The following KIF16B variants were observed in gnomAD, a reference collection of about 807,000 sequenced individuals.
KIF16B encodes the protein kinesin family member 16B.
KIF16B carries 98 observed loss-of-function variants against 156.3 expected under a neutral mutation model. The ratio of observed to expected loss-of-function variants is 0.63; its 90% CI spans 0.53 to 0.74. The LOEUF (loss-of-function observed/expected upper bound fraction) is 0.74, where lower values mean the gene tolerates loss of function less well. Among genes scored for constraint, KIF16B ranks in the 30% least tolerant of loss-of-function variants. KIF16B has a pLI of 0.00. For synonymous variants in KIF16B, 564 were observed against 583.7 expected (o/e 0.97, Z 0.49); for missense variants, 1,421 against 1,606.5 (o/e 0.88, Z 1.97).
intron 12 of KIF16B, among the ~76,000 whole-genome samples, chr20:16,443,987 C>A (rs2066868075): frequency 6.6e-6 from 1 of 152,190 alleles, no homozygotes; most frequent in Non-Finnish European, 1.5e-5. Context: ...ACACATGCAA[C>A]ACTTTCCAAT....
intron 23 of KIF16B, among the ~76,000 whole-genome samples, chr20:16,350,234 G>A (rs1253915632): frequency 6.6e-6 from 1 of 152,222 alleles, no homozygotes; most frequent in East Asian, 1.9e-4. Flanking sequence ...GGACAAAAGT[G>A]ATACTGGTCA....
rs1417371064 is a variant in KIF16B at position 16,404,827 on chromosome 20, C to T, written c.1770G>A (p.Met590Ile). The T allele has an allele frequency of 1.2e-6, 2 of 1,613,066 alleles. No homozygotes were observed. The highest frequency in any genetic ancestry group is 1.7e-6 in the Non-Finnish European group (2 of 1,179,268). The change falls in exon 17 of 26, where the codon ATG (methionine) becomes ATA (isoleucine). Residue 590 changes from methionine to isoleucine, a missense_variant. Transcript: ENST00000354981. The part of the protein sequence containing the change: ...SKSRENLSAV[M>I]LYNPGLEFER... Reference sequence around the variant, plus strand: ...TGTTCACTCACCCGGGGTTATACAACATGACTGCAGACAGGTTCTCACGGG... The same window carrying T: ...TGTTCACTCACCCGGGGTTATACAATATGACTGCAGACAGGTTCTCACGGG...
At chr20:16,303,976 T>A (rs1247388666) in intron 25 of KIF16B, among the ~76,000 whole-genome samples, 2 of 152,088 alleles carry the variant, frequency 1.3e-5, no homozygotes, top group African/African-American at 2.4e-5. Context: ...ATTTCCAGCT[T>A]AGAGTTTAAC....
chr20:16,559,412 C>T (rs561149219), intron 1 of KIF16B, among the ~76,000 whole-genome samples: 4 of 152,116 alleles, frequency 2.6e-5, no homozygotes, highest in South Asian at 2.1e-4. Flanking sequence ...GGCAAAGTTG[C>T]CCCTAATACC....
chr20:16,361,150 T>C (rs1045139041), intron 22 of KIF16B, among the ~76,000 whole-genome samples: 3 of 152,196 alleles, frequency 2.0e-5, no homozygotes, highest in Non-Finnish European at 4.4e-5. Context: ...GTTCCAACCA[T>C]AGCACATATT....
chr20:16,356,632 T>C (rs909537312), intron 22 of KIF16B, among the ~76,000 whole-genome samples, 180 bp from the exon 23 acceptor site: 3 of 152,202 alleles, frequency 2.0e-5, no homozygotes, highest in African/African-American at 7.2e-5. Context: ...GCCTCTCTCA[T>C]AACAAAAAGA....
rs1042991592 is a variant in KIF16B at position 16,283,355 on chromosome 20, C to T, written c.3796-9944G>A. Among the ~76,000 whole-genome samples, 5 of 152,288 alleles carry T rather than the reference C, an allele frequency of 3.3e-5. No individual in the cohort carries two copies. The East Asian group carries it at 9.7e-4, about 29-fold the overall frequency. On this transcript the variant is annotated intron_variant, in intron 25 of 25. Transcript: ENST00000354981. ...CAATCCTAGTGTGCCTCCCTCTTTG[C>T]ACAGAGCCTGGCAATCTCAACTGGG...
At chr20:16,503,916 C>T (rs2068697468) in intron 10 of KIF16B, among the ~76,000 whole-genome samples, 2 of 152,108 alleles carry the variant, frequency 1.3e-5, no homozygotes, top group Admixed American at 6.5e-5. Flanking sequence ...ATACATGTGT[C>T]GCGGGGCCAC....
At chr20:16,493,347 G>C (rs1038114492) in intron 12 of KIF16B, among the ~76,000 whole-genome samples, 1 of 152,190 alleles carries the variant, frequency 6.6e-6, no homozygotes, top group African/African-American at 2.4e-5. Context: ...ACAGTTGTCA[G>C]ATGCAGAACT....
At chr20:16,499,836 T>C (rs1239460432) in intron 10 of KIF16B, among the ~76,000 whole-genome samples, 1 of 152,210 alleles carries the variant, frequency 6.6e-6, no homozygotes, top group Non-Finnish European at 1.5e-5. Flanking sequence ...TAAATCCTTT[T>C]AAAAGAAATC....
chr20:16,426,890 A>T (rs1165068775), intron 15 of KIF16B, among the ~76,000 whole-genome samples: 2 of 152,176 alleles, frequency 1.3e-5, no homozygotes, highest in Non-Finnish European at 1.5e-5. Context: ...AGATAATTCT[A>T]TATATGTTCA....
chr20:16,370,373 C>T (rs769760372), intron 22 of KIF16B, among the ~76,000 whole-genome samples: 4 of 152,212 alleles, frequency 2.6e-5, no homozygotes, highest in Non-Finnish European at 5.9e-5. Flanking sequence ...AGCTCCACCA[C>T]AGCTACATGC....
In KIF16B at chr20:16,273,257, C is replaced by G; in HGVS notation, c.3950G>C (p.Gly1317Ala). Reference sequence around the variant, plus strand: ...GTTCCTCCATCACCCCTGGCTCTACCCCGTCCCGTGGCTGCTGTAGTCAAA... The same window carrying G: ...GTTCCTCCATCACCCCTGGCTCTACGCCGTCCCGTGGCTGCTGTAGTCAAA... ...GVFDYSSHGT[G>A] Residue 1317 changes from glycine to alanine, a missense_variant, in exon 26 of 26, where the codon GGG becomes GCG. Coordinates refer to ENST00000354981, the MANE Select transcript of KIF16B (RefSeq NM_024704.5). 2 of 1,613,944 alleles carry G rather than the reference C, an allele frequency of 1.2e-6. No homozygotes were observed. The highest frequency in any genetic ancestry group is 1.7e-6 in the Non-Finnish European group (2 of 1,179,872).
intron 15 of KIF16B, among the ~76,000 whole-genome samples, chr20:16,411,050 C>G (rs1454957993): frequency 1.3e-5 from 2 of 151,892 alleles, no homozygotes; most frequent in African/African-American, 2.4e-5. Context: ...ATAAATTTCT[C>G]TGCTGCTTCA....
chr20:16,275,870 C>T (rs1456697273), intron 25 of KIF16B, among the ~76,000 whole-genome samples: 1 of 152,310 alleles, frequency 6.6e-6, no homozygotes, highest in African/African-American at 2.4e-5. Context: ...CAGTATATAT[C>T]GTAGACTACA....
chr20:16,546,766 T>A (rs2070421969), intron 1 of KIF16B, among the ~76,000 whole-genome samples: 1 of 152,180 alleles, frequency 6.6e-6, no homozygotes, highest in Non-Finnish European at 1.5e-5. Context: ...CACTTATTTT[T>A]ATTTAATTAT....
chr20:16,466,270 G>A (rs998949046), intron 12 of KIF16B, among the ~76,000 whole-genome samples: 6 of 152,260 alleles, frequency 3.9e-5, no homozygotes, highest in South Asian at 2.1e-4. Flanking sequence ...AGTAAAAGCC[G>A]AACAAACTGA....
chr20:16,342,532 T>A (rs1011973374), intron 23 of KIF16B, among the ~76,000 whole-genome samples: 6 of 152,188 alleles, frequency 3.9e-5, no homozygotes, highest in African/African-American at 1.4e-4. Context: ...GGTGGTTTCA[T>A]TAAGGTTCAC....
intron 4 of KIF16B, among the ~76,000 whole-genome samples, chr20:16,514,346 T>C (rs555379037): frequency 1.3e-5 from 2 of 152,220 alleles, no homozygotes; most frequent in African/African-American, 4.8e-5. Context: ...ACTTACTGAC[T>C]TCTTGTGTAA....
Sources: gnomAD v4.1 joint callset for allele counts (sites outside exome capture counted in the v4.1 genomes callset) on GRCh38, gnomAD v4.1.1 for gene constraint, MANE v1.5 for transcripts, NCBI Gene and HGNC (gene_info 2026-07-23, HGNC 2026-07-21) for gene names.